The following PDE11A variants were observed in gnomAD, a reference collection of about 807,000 sequenced individuals.
PDE11A encodes the protein dual 3',5'-cyclic-AMP and -GMP phosphodiesterase 11A.
Under a neutral mutation model 100.5 loss-of-function variants are expected in PDE11A, and 100 were observed. The ratio of observed to expected loss-of-function variants is 1.00; its 90% CI spans 0.85 to 1.18. The LOEUF (loss-of-function observed/expected upper bound fraction) is 1.18, where lower values mean the gene tolerates loss of function less well. Among genes scored for constraint, PDE11A ranks in the 50% most tolerant of loss-of-function variants. The pLI, the probability that PDE11A is intolerant of heterozygous loss-of-function variation, is 0.00. For missense variants in PDE11A, 1,141 were observed against 1,152.6 expected (o/e 0.99, Z 0.15); for synonymous variants, 381 against 420.8 (o/e 0.91, Z 1.16).
At chr2:177,883,104 A>C (rs1406834417) in intron 4 of PDE11A, among the ~76,000 whole-genome samples, 1 of 152,050 alleles carries the variant, frequency 6.6e-6, no homozygotes, top group Non-Finnish European at 1.5e-5. Flanking sequence ...CCCCGTCTCT[A>C]TTAAAAATAC....
At chr2:178,066,919 C>T (rs533735927) in intron 1 of PDE11A, among the ~76,000 whole-genome samples, 16 of 152,172 alleles carry the variant, frequency 1.1e-4, no homozygotes, top group Non-Finnish European at 1.8e-4. Flanking sequence ...TCTTTAACCC[C>T]GGCCAGAGTC....
chr2:178,078,233 C>T (rs951378130), intron 2 of PDE11A, among the ~76,000 whole-genome samples: 2 of 152,008 alleles, frequency 1.3e-5, no homozygotes, highest in Non-Finnish European at 2.9e-5. Context: ...AAATGTCACA[C>T]ATATTATGTT....
chr2:177,915,233 T>G (rs889224371), intron 2 of PDE11A, among the ~76,000 whole-genome samples: 3 of 152,190 alleles, frequency 2.0e-5, no homozygotes, highest in Admixed American at 6.5e-5. Context: ...CTACAATAGG[T>G]TCACTCTTTG....
intron 19 of PDE11A, among the ~76,000 whole-genome samples, chr2:177,636,647 T>G (rs2080042811): frequency 6.6e-6 from 1 of 152,210 alleles, no homozygotes; most frequent in Non-Finnish European, 1.5e-5. Context: ...GGTCATTCAC[T>G]TGGTAAGTGA....
intron 9 of PDE11A, among the ~76,000 whole-genome samples, chr2:177,787,192 G>A (rs373748932): frequency 5.5e-5 from 8 of 146,264 alleles, no homozygotes; most frequent in East Asian, 2.0e-4. Flanking sequence ...CGGATCTCTC[G>A]GCAGAAACTC....
chr2:177,790,092 G>A (rs2082606948), intron 9 of PDE11A, among the ~76,000 whole-genome samples: 1 of 151,902 alleles, frequency 6.6e-6, no homozygotes, highest in African/African-American at 2.4e-5. Context: ...TCAGTCCTAA[G>A]CCAAAAGAAC....
chr2:177,674,736 CAATA>C (rs2080741694), intron 17 of PDE11A, among the ~76,000 whole-genome samples: 1 of 152,112 alleles, frequency 6.6e-6, no homozygotes, highest in Admixed American at 6.5e-5. Flanking sequence ...ATAAAGCAGT[CAATA>C]AATATTAGTT....
chr2:177,743,862 T>C (rs2081909843), intron 10 of PDE11A, among the ~76,000 whole-genome samples: 1 of 152,064 alleles, frequency 6.6e-6, no homozygotes. Flanking sequence ...GAAATTCAAG[T>C]TGGAAATGAG....
intron 19 of PDE11A, among the ~76,000 whole-genome samples, chr2:177,632,704 C>T (rs1166312890): frequency 6.6e-6 from 1 of 152,180 alleles, no homozygotes; most frequent in Non-Finnish European, 1.5e-5. Context: ...TGCAGTATTT[C>T]ACTTTATTTC....
At chr2:177,943,258 T>C (rs1322584998) in intron 2 of PDE11A, among the ~76,000 whole-genome samples, 1 of 152,252 alleles carries the variant, frequency 6.6e-6, no homozygotes, top group Non-Finnish European at 1.5e-5. Flanking sequence ...TGCTGGATTA[T>C]ACGGTAGTTC....
intron 2 of PDE11A, among the ~76,000 whole-genome samples, chr2:177,954,675 T>A (rs1245674845): frequency 6.6e-6 from 1 of 152,148 alleles, no homozygotes; most frequent in African/African-American, 2.4e-5. Flanking sequence ...AGTAAGGCCA[T>A]TCTGGAATTT....
At chr2:177,811,976 C>T (rs2082955927) in intron 9 of PDE11A, among the ~76,000 whole-genome samples, 1 of 152,118 alleles carries the variant, frequency 6.6e-6, no homozygotes, top group African/African-American at 2.4e-5. Flanking sequence ...AAAATTATAG[C>T]TCCCCAGTCA....
intron 2 of PDE11A, among the ~76,000 whole-genome samples, chr2:177,995,609 T>A (rs1000649976): frequency 2.0e-5 from 3 of 150,974 alleles, no homozygotes; most frequent in Non-Finnish European, 4.4e-5. Context: ...TCTATGCTAC[T>A]AAAAATGCCC....
intron 9 of PDE11A, among the ~76,000 whole-genome samples, chr2:177,787,562 C>T (rs1257860741): frequency 1.3e-5 from 2 of 151,696 alleles, no homozygotes; most frequent in Non-Finnish European, 1.5e-5. Context: ...TGTAAATGGA[C>T]TAAATGCTCC....
chr2:178,068,239 T>C (rs1022094528), intron 1 of PDE11A, among the ~76,000 whole-genome samples: 3 of 152,132 alleles, frequency 2.0e-5, no homozygotes, highest in African/African-American at 7.2e-5. Flanking sequence ...ATGTTTTTTT[T>C]TTTTCCATTT....
At chr2:178,035,837 T>C (rs1236476312) in intron 1 of PDE11A, among the ~76,000 whole-genome samples, 7 of 152,116 alleles carry the variant, frequency 4.6e-5, no homozygotes, top group African/African-American at 1.4e-4. Context: ...GCCCTTACGC[T>C]AAAAACTCAG....
intron 2 of PDE11A, among the ~76,000 whole-genome samples, chr2:177,946,982 C>A (rs2085446339): frequency 8.3e-6 from 1 of 120,508 alleles, no homozygotes; most frequent in African/African-American, 3.6e-5. Flanking sequence ...AGCCCCCCGC[C>A]CGGCCAGCCG....
At chr2:178,065,225 T>C (rs1279118444) in intron 1 of PDE11A, among the ~76,000 whole-genome samples, 1 of 152,172 alleles carries the variant, frequency 6.6e-6, no homozygotes, top group Non-Finnish European at 1.5e-5. Context: ...CAGCAAGCAA[T>C]GTACCTCAAG....
intron 18 of PDE11A, among the ~76,000 whole-genome samples, chr2:177,668,680 A>G (rs6721360): frequency 0.81 from 123,544 of 152,166 alleles, 50,911 homozygotes; most frequent in East Asian, 0.98. Flanking sequence ...TTAAAACTTG[A>G]AGACCTTATA....
Sources: gnomAD v4.1 joint callset for allele counts (sites outside exome capture counted in the v4.1 genomes callset) on GRCh38, gnomAD v4.1.1 for gene constraint, MANE v1.5 for transcripts, NCBI Gene and HGNC (gene_info 2026-07-23, HGNC 2026-07-21) for gene names.